The following CSPP1 variants were observed in gnomAD, a reference collection of about 807,000 sequenced individuals.
CSPP1 encodes the protein centrosome and spindle pole associated protein 1.
CSPP1 carries 126 observed loss-of-function variants against 164.4 expected under a neutral mutation model. The ratio of observed to expected loss-of-function variants is 0.77; its 90% CI spans 0.66 to 0.89. The LOEUF is 0.89. Ranked by LOEUF, CSPP1 falls within the 40% of genes least tolerant of loss-of-function variation. The pLI, the probability that CSPP1 is intolerant of heterozygous loss-of-function variation, is 0.00. For synonymous variants in CSPP1, 472 were observed against 476.7 expected (o/e 0.99, Z 0.13); for missense variants, 1,395 against 1,449.8 (o/e 0.96, Z 0.61).
intron 21 of CSPP1, 98 bp downstream of exon 21, chr8:67,159,235 G>T: frequency 3.2e-6 from 3 of 949,458 alleles, no homozygotes; most frequent in Non-Finnish European, 3.2e-6. Flanking sequence ...AGAGGAGGAG[G>T]TGCTTTTGTT....
intron 21 of CSPP1, among the ~76,000 whole-genome samples, chr8:67,159,509 C>CTTTTTTTTT (rs1172369424): frequency 1.0e-4 from 5 of 48,912 alleles, no homozygotes; most frequent in East Asian, 6.7e-4. Flanking sequence ...TATATGTATT[C>CTTTTTTTTT]TTTTTTTTTT....
rs1232963161 is a variant in CSPP1, at chr8:67,177,705, T to C, written c.3135T>C (p.Ala1045=). 4 of 1,612,158 alleles carry C rather than the reference T, an allele frequency of 2.5e-6. No individual in the cohort carries two copies. The African/African-American group carries it at 5.3e-5, about 22-fold the overall frequency. The stretch of plus-strand genomic sequence containing the variant: ...TTGACTTAGATGCCATCCCAAGTGC[T>C]AAAGTACGAGAGCAAAGAATGGTAA... The part of the protein sequence containing the change: ...AKVDLDAIPS[A]KVREQRMPRD... Residue 1045 remains alanine, a synonymous_variant, in exon 27 of 31, where the codon GCT becomes GCC. Transcript: ENST00000678616.
chr8:67,181,201 T>A (rs1287543804), intron 28 of CSPP1, among the ~76,000 whole-genome samples: 2 of 151,794 alleles, frequency 1.3e-5, no homozygotes, highest in African/African-American at 4.8e-5. Flanking sequence ...GATACCTGGT[T>A]ATCTTTTTTA....
intron 24 of CSPP1, among the ~76,000 whole-genome samples, chr8:67,169,134 C>T (rs1459095071): frequency 3.3e-5 from 5 of 152,130 alleles, no homozygotes; most frequent in African/African-American, 1.2e-4. Flanking sequence ...GACTAAGCCT[C>T]ATAATGACCA....
chr8:67,090,977 A>G (rs892651142), intron 4 of CSPP1, among the ~76,000 whole-genome samples: 2 of 152,238 alleles, frequency 1.3e-5, no homozygotes, highest in African/African-American at 4.8e-5. Flanking sequence ...AAGTAACAGT[A>G]CCAGAAAGTT....
chr8:67,117,748 T>G (rs1818219354), intron 13 of CSPP1, among the ~76,000 whole-genome samples: 1 of 152,202 alleles, frequency 6.6e-6, no homozygotes, highest in Non-Finnish European at 1.5e-5. Flanking sequence ...GTAGCATGGC[T>G]TAAGCGTTGC....
chr8:67,078,612 C>T (rs189205732), intron 3 of CSPP1, among the ~76,000 whole-genome samples: 9 of 152,236 alleles, frequency 5.9e-5, no homozygotes, highest in Non-Finnish European at 1.3e-4. Flanking sequence ...CCGCCTGCCT[C>T]GGCCTCCCAA....
At chr8:67,126,297 T>C (rs1820050409) in intron 15 of CSPP1, among the ~76,000 whole-genome samples, 1 of 152,238 alleles carries the variant, frequency 6.6e-6, no homozygotes, top group East Asian at 1.9e-4. Context: ...TCTTTGCAAG[T>C]GTCATAATTT....
chr8:67,108,910 T>G (rs1302265999), intron 9 of CSPP1, among the ~76,000 whole-genome samples: 1 of 152,228 alleles, frequency 6.6e-6, no homozygotes, highest in Non-Finnish European at 1.5e-5. Flanking sequence ...AGCTTGCAGC[T>G]TTTGCTTTGT....
At chr8:67,117,421 A>C (rs1818159766) in intron 13 of CSPP1, among the ~76,000 whole-genome samples, 1 of 152,192 alleles carries the variant, frequency 6.6e-6, no homozygotes, top group Non-Finnish European at 1.5e-5. Context: ...GAATGCCGCC[A>C]TCTCTTTCTA....
chr8:67,135,984 CAG>C (rs1822175160), intron 16 of CSPP1: 4 of 152,042 alleles, frequency 2.6e-5, no homozygotes, highest in Non-Finnish European at 5.9e-5. Context: ...GGGAAAGAGA[CAG>C]GGGAACGGCT....
chr8:67,152,426 C>T (rs1825890436), intron 18 of CSPP1, among the ~76,000 whole-genome samples: 1 of 152,066 alleles, frequency 6.6e-6, no homozygotes. Context: ...TGAGCTATGG[C>T]TTATGAAGTC....
At chr8:67,183,240 C>G (rs1013674938) in intron 28 of CSPP1, among the ~76,000 whole-genome samples, 1 of 152,170 alleles carries the variant, frequency 6.6e-6, no homozygotes, top group Non-Finnish European at 1.5e-5. Flanking sequence ...CAGAAATGGA[C>G]AGAGACAGAA....
chr8:67,137,255 G>A (rs1040124438), intron 16 of CSPP1, among the ~76,000 whole-genome samples: 12 of 151,550 alleles, frequency 7.9e-5, no homozygotes, highest in Non-Finnish European at 1.8e-4. Context: ...CATGAGCCAC[G>A]ACACCTGACC....
intron 2 of CSPP1, 143 bp downstream of exon 2, chr8:67,074,494 C>T: frequency 3.8e-6 from 2 of 521,000 alleles, no homozygotes; most frequent in East Asian, 6.6e-5. Context: ...TGACTCCAGA[C>T]AAGATTGCAG....
intron 24 of CSPP1, among the ~76,000 whole-genome samples, chr8:67,168,283 C>T (rs529474110): frequency 2.1e-3 from 232 of 112,480 alleles, no homozygotes; most frequent in African/African-American, 7.4e-3. Context: ...AGAGGGAGAC[C>T]GTGGAAAGAG....
chr8:67,102,279 C>T (rs1182895860), intron 7 of CSPP1, among the ~76,000 whole-genome samples: 1 of 152,062 alleles, frequency 6.6e-6, no homozygotes, highest in Non-Finnish European at 1.5e-5. Context: ...ATTGATAAGA[C>T]TGCTGCTGTA....
At position 67,076,469 on chromosome 8, in the gene CSPP1, A is replaced by G. The variant is rs78076942; in HGVS notation, c.100-13A>G. On this transcript the variant is annotated splice_polypyrimidine_tract_variant and intron_variant, in intron 2 of 30. Transcript: ENST00000678616. ...TTTTCCTCTTGCTTTTGTAAACATT[A>G]TGTCTCTTTCAGGGAAAGTTGTCAG... 6.2e-4 allele frequency: 929 copies of G among 1,490,370 alleles called. 7 individuals carry two copies. The African/African-American group carries it at 0.013, about 20-fold the overall frequency. The allele number at this position is 1,490,370 out of a possible 1,614,324, so 92.3% of individuals were successfully genotyped here. A position where few individuals can be genotyped will look rare whatever the true frequency, so the allele number is the denominator to read the frequency against.
At chr8:67,079,987 C>T (rs1173376975) in intron 3 of CSPP1, among the ~76,000 whole-genome samples, 1 of 152,156 alleles carries the variant, frequency 6.6e-6, no homozygotes, top group African/African-American at 2.4e-5. Flanking sequence ...CCATCTGAAA[C>T]CATTTGATGC....
Sources: gnomAD v4.1 joint callset for allele counts (sites outside exome capture counted in the v4.1 genomes callset) on GRCh38, gnomAD v4.1.1 for gene constraint, MANE v1.5 for transcripts, NCBI Gene and HGNC (gene_info 2026-07-23, HGNC 2026-07-21) for gene names.